Variants in MAD1L1 observed in about 807,000 individuals in gnomAD.
MAD1L1 encodes mitotic arrest deficient 1 like 1, also known as mitotic spindle assembly checkpoint protein MAD1.
In MAD1L1, 95 loss-of-function variants were observed where a neutral mutation model predicts 96.9. The ratio of observed to expected loss-of-function variants is 0.98; its 90% confidence interval spans 0.83 to 1.16. MAD1L1 has a LOEUF of 1.16. Among genes scored for constraint, MAD1L1 ranks in the 50% most tolerant of loss-of-function variants. MAD1L1 has a pLI of 0.00. For missense variants in MAD1L1, 1,007 were observed against 954.4 expected (o/e 1.06, Z -0.73); for synonymous variants, 473 against 396.6 (o/e 1.19, Z -2.29).
chr7:2,188,261 C>A (rs1343830619), intron 10 of MAD1L1, among the ~76,000 whole-genome samples: 2 of 152,190 alleles, frequency 1.3e-5, no homozygotes, highest in Admixed American at 1.3e-4. Flanking sequence ...ATGTCAACAC[C>A]GCCCAAAGCC....
At chr7:1,898,496 G>C (rs756562920) in intron 17 of MAD1L1, 106 bp from the exon 18 acceptor site, 1 of 884,224 alleles carries the variant, frequency 1.1e-6, no homozygotes. Context: ...TGGGAGTGGC[G>C]GCTGCCCAGG....
chr7:2,010,706 G>A (rs1281839529), intron 13 of MAD1L1, among the ~76,000 whole-genome samples: 5 of 152,192 alleles, frequency 3.3e-5, no homozygotes, highest in African/African-American at 9.7e-5. Context: ...TTTAGCTAAC[G>A]GGTGGGTGGA....
intron 5 of MAD1L1, 102 bp from the exon 6 acceptor site, chr7:2,219,558 C>A: frequency 7.7e-7 from 1 of 1,300,978 alleles, no homozygotes; most frequent in Non-Finnish European, 1.1e-6. Context: ...ACACCACCCA[C>A]GTGCTATAAT....
At chr7:2,010,321 C>T (rs949266948) in intron 13 of MAD1L1, among the ~76,000 whole-genome samples, 11 of 152,100 alleles carry the variant, frequency 7.2e-5, no homozygotes, top group Non-Finnish European at 1.6e-4. Flanking sequence ...ACGGAAACAC[C>T]GTGACGGCCA....
In MAD1L1 at chr7:2,096,134, G is replaced by A. The variant is rs532472492; in HGVS notation, c.1074-26796C>T. Among the ~76,000 whole-genome samples, 15 of 152,362 alleles carry A rather than the reference G, an allele frequency of 9.8e-5. No individual in the cohort carries two copies. The South Asian group carries it at 2.3e-3, about 23-fold the overall frequency. On this transcript the variant is annotated intron_variant, in intron 11 of 18. Transcript: ENST00000265854. Reference sequence around the variant, plus strand: ...GGGTAAGGCCATCAGAGCACACGACGCCACACAGGCTGTGCTCAGAAGAAA... The same window carrying A: ...GGGTAAGGCCATCAGAGCACACGACACCACACAGGCTGTGCTCAGAAGAAA...
rs1787860940 is a variant in MAD1L1 at position 2,119,245 on chromosome 7, A to C, written c.1073+29907T>G. Among the ~76,000 whole-genome samples the C allele has an allele frequency of 6.6e-6, 1 of 151,714 alleles. No homozygotes were observed. The highest frequency in any genetic ancestry group is 2.1e-4 in the South Asian group (1 of 4,784). ...CCTCTCCCTCTCCATTATCCCCCCA[A>C]AACAAGTGACCAAAGGAGTGCCCCG... is the stretch of plus-strand genomic sequence containing the variant. On this transcript the variant is annotated intron_variant, in intron 11 of 18. Coordinates refer to ENST00000265854, the MANE Select transcript of MAD1L1 (RefSeq NM_001013836.2). This position sits in a 1 kb window ranked among gnomAD's most constrained non-coding sequence, Gnocchi z 4.6.
intron 15 of MAD1L1, among the ~76,000 whole-genome samples, chr7:1,966,210 C>T (rs1780160275): frequency 6.6e-6 from 1 of 152,250 alleles, no homozygotes; most frequent in Admixed American, 6.5e-5. Context: ...GGGCTAGAAA[C>T]CACCCAGGTC....
rs376807945 is a variant in MAD1L1, at chr7:2,229,933, G to A, written c.150+51C>T. 121 of 1,586,144 alleles carry A rather than the reference G, an allele frequency of 7.6e-5. 1 individual carries two copies. The East Asian group carries it at 1.1e-3, about 14-fold the overall frequency. On this transcript the variant is annotated intron_variant, in intron 3 of 18. Transcript: ENST00000265854. ...CAGAAGACTGGAAGAGGTCCTGCCC[G>A]GGCCCAGGGTCTCCCCAGAGCAGAC...
At chr7:2,185,630 A>AT (rs576535924) in intron 10 of MAD1L1, among the ~76,000 whole-genome samples, 46 of 150,706 alleles carry the variant, frequency 3.1e-4, no homozygotes, top group Non-Finnish European at 5.3e-4. Flanking sequence ...ATGCTTCTAG[A>AT]TTTTTTTTTT....
At chr7:1,964,503 G>GA (rs1780079982) in intron 15 of MAD1L1, among the ~76,000 whole-genome samples, 1 of 152,208 alleles carries the variant, frequency 6.6e-6, no homozygotes, top group African/African-American at 2.4e-5. Flanking sequence ...CAGAGAGCGA[G>GA]AAAGAGAACA....
chr7:2,079,433 C>G (rs769936233), intron 11 of MAD1L1, among the ~76,000 whole-genome samples: 14 of 152,226 alleles, frequency 9.2e-5, no homozygotes, highest in Admixed American at 2.6e-4. Context: ...AATTACCAAT[C>G]AAAGGAACGG....
intron 11 of MAD1L1, among the ~76,000 whole-genome samples, chr7:2,081,968 G>T (rs968153139): frequency 3.9e-5 from 6 of 152,226 alleles, no homozygotes; most frequent in Admixed American, 6.5e-5. Context: ...AGGGACAGAG[G>T]AAAATCTGAT....
chr7:2,216,373 G>GA, intron 7 of MAD1L1, 86 bp from the exon 8 acceptor site: 1 of 1,405,364 alleles, frequency 7.1e-7, no homozygotes, highest in Non-Finnish European at 9.6e-7. Flanking sequence ...CTAAGAGAAG[G>GA]AAGCCGGTCT....
At chr7:2,185,621 T>G (rs1791422016) in intron 10 of MAD1L1, among the ~76,000 whole-genome samples, 1 of 152,170 alleles carries the variant, frequency 6.6e-6, no homozygotes, top group Admixed American at 6.5e-5. Flanking sequence ...GCCACGTGCA[T>G]GCTTCTAGAT....
At chr7:1,897,896 C>T (rs1005201421) in intron 18 of MAD1L1, among the ~76,000 whole-genome samples, 4 of 152,272 alleles carry the variant, frequency 2.6e-5, no homozygotes, top group Admixed American at 2.0e-4. Context: ...CACACGCCTA[C>T]GGCCGCAGCC....
chr7:1,832,348 T>A (rs567846971), intron 18 of MAD1L1, among the ~76,000 whole-genome samples: 1 of 152,208 alleles, frequency 6.6e-6, no homozygotes, highest in African/African-American at 2.4e-5. Flanking sequence ...CAAGCTTGAA[T>A]GGATGAGGAG....
intron 11 of MAD1L1, among the ~76,000 whole-genome samples, chr7:2,098,554 T>C (rs1388084842): frequency 6.6e-6 from 1 of 152,144 alleles, no homozygotes; most frequent in African/African-American, 2.4e-5. Context: ...CTTGCCTGGT[T>C]AACAAGTCAG....
At chr7:2,204,640 C>T (rs1243453555) in intron 10 of MAD1L1, among the ~76,000 whole-genome samples, 5 of 152,264 alleles carry the variant, frequency 3.3e-5, no homozygotes, top group East Asian at 1.9e-4. Context: ...CCGCCGCTGC[C>T]GCGCATTACA....
intron 10 of MAD1L1, among the ~76,000 whole-genome samples, chr7:2,167,641 GACC>G (rs1366502170): frequency 2.6e-5 from 4 of 151,822 alleles, no homozygotes; most frequent in Admixed American, 2.6e-4. Flanking sequence ...GAGGTGGGAG[GACC>G]ACTTGAGCCC....
Sources: allele counts gnomAD v4.1 joint callset (sites outside exome capture counted in the v4.1 genomes callset), GRCh38; gene constraint gnomAD v4.1.1; non-coding constraint Gnocchi (gnomAD v3.1); transcripts MANE v1.5; gene names NCBI Gene and HGNC (gene_info 2026-07-23, HGNC 2026-07-21).